SPDEF: variants seen among roughly 807,000 people sequenced by gnomAD.
SPDEF encodes SAM pointed domain-containing Ets transcription factor.
A neutral mutation model predicts 36.0 loss-of-function variants in SPDEF; 12 were observed. The ratio of observed to expected loss-of-function variants is 0.33; its 90% CI spans 0.21 to 0.54. SPDEF has a LOEUF of 0.54. Among genes scored for constraint, SPDEF ranks in the 20% least tolerant of loss-of-function variants. SPDEF has a pLI of 0.93. For missense variants in SPDEF, 388 were observed against 456.9 expected (o/e 0.85, Z 1.37); for synonymous variants, 205 against 193.0 (o/e 1.06, Z -0.51).
In SPDEF at chr6:34,546,119, G is replaced by A. The variant is rs547103555; in HGVS notation, c.-29-1635C>T. Reference sequence around the variant, plus strand: ...CAAGCAGTGGTTCTCCAAATGTGCCGTCTGGGCCAGCAGAACCAGCGCCAC... The same window carrying A: ...CAAGCAGTGGTTCTCCAAATGTGCCATCTGGGCCAGCAGAACCAGCGCCAC... On this transcript the variant is annotated intron_variant, in intron 1 of 5. Transcript: ENST00000374037. Among the ~76,000 whole-genome samples the A allele has an allele frequency of 5.3e-5, 8 of 152,242 alleles. No individual in the cohort carries two copies. In the East Asian group the frequency reaches 7.7e-4, roughly 15 times the overall value.
chr6:34,538,188 G>GT lies in SPDEF; in HGVS notation c.*85dup, dbSNP rs1349285799. The GT allele has an allele frequency of 2.1e-6, 3 of 1,441,304 alleles. No individual in the cohort carries two copies. Among genetic ancestry groups the GT allele is most frequent in the Admixed American group, 1.9e-5 (1 of 52,020 alleles). The allele number at this position is 1,441,304 out of a possible 1,614,324, so 89.3% of individuals were successfully genotyped here. ...GTCAGAGCAGCAGAGCAGACTGCCC[G>GT]TTTTCCCCCATCTCAGGGCCTGGCT... On this transcript the variant is annotated 3_prime_UTR_variant, in exon 6 of 6. Transcript: ENST00000374037. This position sits in a 1 kb window ranked among gnomAD's most constrained non-coding sequence, Gnocchi z 5.9.
chr6:34,550,521 T>A (rs1342397174), intron 1 of SPDEF, among the ~76,000 whole-genome samples: 2 of 152,020 alleles, frequency 1.3e-5, no homozygotes. Flanking sequence ...GGTGACTGAG[T>A]GAGAGAGATC....
At chr6:34,543,982 A>T (rs770097503) in intron 2 of SPDEF, 38 bp downstream of exon 2, 16 of 1,587,882 alleles carry the variant, frequency 1.0e-5, no homozygotes. Context: ...CTTGCCTGTG[A>T]CCCATCTTAC....
At chr6:34,554,754 C>T (rs1356711592) in intron 1 of SPDEF, among the ~76,000 whole-genome samples, 6 of 152,254 alleles carry the variant, frequency 3.9e-5, no homozygotes, top group South Asian at 2.1e-4. Flanking sequence ...TGGGCCTGCC[C>T]GTCTGGTGGG....
In SPDEF at chr6:34,541,180, A is replaced by G. The variant is rs2127283181; in HGVS notation, c.438T>C (p.Asp146=). ...CATTGCTGGGGCTCCAGTCCATGGG[A>G]TCTGGGCAAGAGGCATCCCCTCAGC... ...TACKLLNITA[D]PMDWSPSNVQ... is the part of the protein sequence containing the mutation. Residue 146 remains aspartate (D), a splice_region_variant and synonymous_variant, in exon 3 of 6, where the codon GAT becomes GAC. Transcript: ENST00000374037. The G allele has an allele frequency of 6.3e-7, 1 of 1,598,696 alleles. No homozygotes were observed. The highest frequency in any genetic ancestry group is 2.3e-5 in the East Asian group (1 of 44,404).
Position 34,544,427 on chromosome 6 carries a change from C to T in SPDEF, c.29G>A (p.Ser10Asn). 6.4e-7 allele frequency: 1 copy of T among 1,573,128 alleles called. No individual in the cohort carries two copies. Among genetic ancestry groups the T allele is most frequent in the Non-Finnish European group, 8.6e-7 (1 of 1,157,508 alleles). Reference sequence around the variant, plus strand: ...CAGCAGGAGGTGGCTGGGGGATACGCTGCTCAGACCCGGGCTGGCGCTGCC... The same window carrying T: ...CAGCAGGAGGTGGCTGGGGGATACGTTGCTCAGACCCGGGCTGGCGCTGCC... MGSASPGLS[S>N]VSPSHLLLPP... Residue 10 changes from serine (S) to asparagine (N), a missense_variant, in exon 2 of 6, where the codon AGC (serine) becomes AAC (asparagine). Around this residue, in one of 2 missense-constraint regions of SPDEF, gnomAD observed 308 missense variants for 326.1 expected, o/e 0.94. Transcript: ENST00000374037. This position sits in a 1 kb window ranked among gnomAD's most constrained non-coding sequence, Gnocchi z 4.4.
At position 34,544,996 on chromosome 6, in the gene SPDEF, G is replaced by C. The variant is rs758229493; in HGVS notation, c.-29-512C>G. The stretch of plus-strand genomic sequence containing the variant: ...AGGTGGCTATCATCTTCACCAGCAG[G>C]GGAAAGACGAGAGGAACAAGGCGGG... On this transcript the variant is annotated intron_variant, in intron 1 of 5. Coordinates refer to ENST00000374037, the MANE Select transcript of SPDEF (RefSeq NM_012391.3). The surrounding 1 kb of genome is among the most constrained non-coding windows in gnomAD (Gnocchi z 4.4). 2.0e-4 allele frequency among the ~76,000 whole-genome samples: 30 copies of C among 152,200 alleles called. No homozygotes were observed. Among genetic ancestry groups the C allele is most frequent in the Non-Finnish European group, 3.7e-4 (25 of 68,028 alleles).
chr6:34,548,168 G>A (rs1003254935), intron 1 of SPDEF, among the ~76,000 whole-genome samples: 1 of 152,134 alleles, frequency 6.6e-6, no homozygotes, highest in African/African-American at 2.4e-5. Context: ...CCAGGGTGAC[G>A]TGGACTCCAG....
chr6:34,539,205 T>A lies in SPDEF; in HGVS notation c.829+45A>T, dbSNP rs769726452. 14 of 1,606,158 alleles carry A rather than the reference T, an allele frequency of 8.7e-6. No individual in the cohort carries two copies. Among genetic ancestry groups the A allele is most frequent in the Non-Finnish European group, 1.2e-5 (14 of 1,175,932 alleles). On this transcript the variant is annotated intron_variant, in intron 5 of 5. Transcript: ENST00000374037. The surrounding 1 kb of genome is among the most constrained non-coding windows in gnomAD (Gnocchi z 5.2). ...GTGCCTGGCAGAAGCCCCCACAACC[T>A]CCATGCTCACTGGCCCTGCAGCGCC...
At position 34,555,616 on chromosome 6, in the gene SPDEF, G is replaced by T. The variant is rs917349992; in HGVS notation, c.-30+313C>A. The stretch of plus-strand genomic sequence containing the variant: ...GAACTGGCTGGGTCTCAGGGGCCGG[G>T]GCTCTGCATCTGCACGGCGGCCTCC... On this transcript the variant is annotated intron_variant, in intron 1 of 5. Transcript: ENST00000374037. The surrounding 1 kb of genome is among the most constrained non-coding windows in gnomAD (Gnocchi z 5.2). Among the ~76,000 whole-genome samples the T allele has an allele frequency of 1.3e-5, 2 of 152,162 alleles. No individual in the cohort carries two copies. The highest frequency in any genetic ancestry group is 4.8e-5 in the African/African-American group (2 of 41,446).
chr6:34,551,994 T>G (rs955881904), intron 1 of SPDEF, among the ~76,000 whole-genome samples: 5 of 152,182 alleles, frequency 3.3e-5, no homozygotes, highest in African/African-American at 1.2e-4. Flanking sequence ...TGAGCCCATG[T>G]GTATATAAAT....
intron 1 of SPDEF, among the ~76,000 whole-genome samples, chr6:34,546,626 C>CCCTCCTTGTGCAGTGCCCAA (rs1317660922): frequency 3.9e-5 from 6 of 152,176 alleles, no homozygotes; most frequent in Non-Finnish European, 7.4e-5. Flanking sequence ...CCTCTGCCCA[C>CCCTCCTTGTGCAGTGCCCAA]CCTCCTTGTG....
chr6:34,541,099 C>T lies in SPDEF; in HGVS notation c.519G>A (p.Lys173=). ...EHQYRLPPMG[K]AFQELAGKEL... ...CCTTGCCCGCCAGCTCCTGGAAGGC[C>T]TTGCCCATGGGGGGCAGCCGGTATT... Residue 173 remains lysine (K), a synonymous_variant, in exon 3 of 6, where the codon AAG becomes AAA. Transcript: ENST00000374037. 1 of 1,611,122 alleles carries T rather than the reference C, an allele frequency of 6.2e-7. No homozygotes were observed. Among genetic ancestry groups the T allele is most frequent in the Non-Finnish European group, 8.5e-7 (1 of 1,179,112 alleles).
chr6:34,543,353 G>A (rs901964691), intron 2 of SPDEF, among the ~76,000 whole-genome samples: 5 of 152,142 alleles, frequency 3.3e-5, no homozygotes, highest in Non-Finnish European at 7.4e-5. Context: ...CTGCCTTTGT[G>A]GAGTGTACAT....
At position 34,552,904 on chromosome 6, in the gene SPDEF, G is replaced by A. The variant is rs1023926222; in HGVS notation, c.-30+3025C>T. Among the ~76,000 whole-genome samples the A allele has an allele frequency of 6.6e-6, 1 of 152,170 alleles. No individual in the cohort carries two copies. The highest frequency in any genetic ancestry group is 1.5e-5 in the Non-Finnish European group (1 of 68,030). On this transcript the variant is annotated intron_variant, in intron 1 of 5. Transcript: ENST00000374037. The surrounding 1 kb of genome is among the most constrained non-coding windows in gnomAD (Gnocchi z 4.6). ...TGGCACAGAGGGTAGGGTGGGGCAGGAGGAGCTAGGTCCCAGCAGCCCTCA... is the reference window on the plus strand; with the variant it reads ...TGGCACAGAGGGTAGGGTGGGGCAGAAGGAGCTAGGTCCCAGCAGCCCTCA...
Position 34,552,102 on chromosome 6 carries a change from C to T in SPDEF, c.-30+3827G>A, listed in dbSNP as rs1768073776. Among the ~76,000 whole-genome samples, 1 of 152,190 alleles carries T rather than the reference C, an allele frequency of 6.6e-6. No homozygotes were observed. The highest frequency in any genetic ancestry group is 2.4e-5 in the African/African-American group (1 of 41,450). ...ATCCCCGCTTTGCCATGATGCAGCC[C>T]GGGTCACATGGCTGCCCCTCTCTGG... On this transcript the variant is annotated intron_variant, in intron 1 of 5. Coordinates refer to ENST00000374037, the MANE Select transcript of SPDEF (RefSeq NM_012391.3). This position sits in a 1 kb window ranked among gnomAD's most constrained non-coding sequence, Gnocchi z 4.6.
chr6:34,553,381 C>A (rs1223830191), intron 1 of SPDEF, among the ~76,000 whole-genome samples: 1 of 151,924 alleles, frequency 6.6e-6, no homozygotes. Context: ...ACCTGACAGG[C>A]CACTCGCTTG....
In SPDEF at chr6:34,544,301, T is replaced by C; in HGVS notation, c.155A>G (p.Glu52Gly). Residue 52 changes from glutamate (E) to glycine (G), a missense_variant, in exon 2 of 6, where the codon GAG (glutamate) becomes GGG (glycine). Physicochemically the swap from Glu to Gly is moderately conservative, Grantham distance 98. Around this residue, in one of 2 missense-constraint regions of SPDEF, gnomAD observed 308 missense variants for 326.1 expected, o/e 0.94. Coordinates refer to ENST00000374037, the MANE Select transcript of SPDEF (RefSeq NM_012391.3). This position sits in a 1 kb window ranked among gnomAD's most constrained non-coding sequence, Gnocchi z 4.4. ...GAGGTAGAAGGCGGACAGGCCCTGC[T>C]CGGGCGTGGCGGGTGGACTGGGACT... ...DWSPSPPATP[E>G]QGLSAFYLSY... 1 of 1,612,810 alleles carries C rather than the reference T, an allele frequency of 6.2e-7. No individual in the cohort carries two copies. The highest frequency in any genetic ancestry group is 8.5e-7 in the Non-Finnish European group (1 of 1,179,876).
In SPDEF at chr6:34,538,857, G is replaced by C. The variant is rs1351011988; in HGVS notation, c.829+393C>G. ...GCAGTGCCCACGGCTCACTTGGCAA[G>C]AGCATCCCTTCCCCATTACAGGTGT... On this transcript the variant is annotated intron_variant, in intron 5 of 5. Transcript: ENST00000374037. This position sits in a 1 kb window ranked among gnomAD's most constrained non-coding sequence, Gnocchi z 5.9. 1.3e-5 allele frequency among the ~76,000 whole-genome samples: 2 copies of C among 152,202 alleles called. No homozygotes were observed. Among genetic ancestry groups the C allele is most frequent in the East Asian group, 3.9e-4 (2 of 5,194 alleles).
Sources: gnomAD v4.1 joint callset for allele counts (sites outside exome capture counted in the v4.1 genomes callset) on GRCh38, gnomAD v4.1.1 for gene constraint, gnomAD v4.1.1 regional missense constraint, Gnocchi (gnomAD v3.1) non-coding constraint, MANE v1.5 for transcripts, NCBI Gene and HGNC (gene_info 2026-07-23, HGNC 2026-07-21) for gene names.